Variants in DPP4 observed in about 807,000 individuals in gnomAD.
DPP4 encodes the protein dipeptidyl peptidase 4, also known as ADCP-2.
Under a neutral mutation model 122.4 loss-of-function variants are expected in DPP4, and 93 were observed. That is an observed-to-expected ratio of 0.76 (90% CI 0.64 to 0.90). The LOEUF is 0.90. Among genes scored for constraint, DPP4 ranks in the 40% least tolerant of loss-of-function variants. The probability of loss-of-function intolerance (pLI) is 0.00; values close to 1 mark genes in which losing one functional copy is unlikely to be tolerated. For synonymous variants in DPP4, 321 were observed against 302.9 expected (o/e 1.06, Z -0.62); for missense variants, 914 against 907.3 (o/e 1.01, Z -0.09).
chr2:162,011,810 A>G lies in DPP4; in HGVS notation c.1815T>C (p.Asp605=). 6.2e-7 allele frequency: 1 copy of G among 1,613,476 alleles called. No individual in the cohort carries two copies. The highest frequency in any genetic ancestry group is 8.5e-7 in the Non-Finnish European group (1 of 1,179,602). Residue 605 remains aspartate, a synonymous_variant, in exon 20 of 26, where the codon GAT becomes GAC. Coordinates refer to ENST00000360534, the MANE Select transcript of DPP4 (RefSeq NM_001935.4). The part of the protein sequence containing the change: ...NRRLGTFEVE[D]QIEAARQFSK... ...TCACTCACCTGGCTGCTTCAATTTG[A>G]TCTTCAACTTCAAATGTTCCCAGTC...
chr2:161,993,138 T>G lies in DPP4; in HGVS notation c.*145A>C. 1 of 621,076 alleles carries G rather than the reference T, an allele frequency of 1.6e-6. No individual in the cohort carries two copies. Among genetic ancestry groups the G allele is most frequent in the Non-Finnish European group, 2.8e-6 (1 of 352,582 alleles). The allele number at this position is 621,076 out of a possible 1,614,324, so 38.5% of individuals were successfully genotyped here. A position where few individuals can be genotyped will look rare whatever the true frequency, so the allele number is the denominator to read the frequency against. On this transcript the variant is annotated 3_prime_UTR_variant, in exon 26 of 26. Transcript: ENST00000360534. The stretch of plus-strand genomic sequence containing the variant: ...AAGTCCCTACTTAAGATGATAGGTA[T>G]GAAATTTGGGAACAAAGGTAACCTT...
chr2:162,040,036 A>G (rs2106125695), intron 5 of DPP4, among the ~76,000 whole-genome samples: 1 of 152,176 alleles, frequency 6.6e-6, no homozygotes, highest in Non-Finnish European at 1.5e-5. Flanking sequence ...TTTTTTGCCA[A>G]TACATTTTAA....
intron 11 of DPP4, among the ~76,000 whole-genome samples, chr2:162,024,436 T>C (rs1217149924): frequency 6.6e-6 from 1 of 152,220 alleles, no homozygotes; most frequent in Non-Finnish European, 1.5e-5. Flanking sequence ...AGCCAGTTAT[T>C]CCCCATTCCC....
At chr2:162,049,216 G>A (rs1349744624) in intron 2 of DPP4, among the ~76,000 whole-genome samples, 1 of 152,134 alleles carries the variant, frequency 6.6e-6, no homozygotes, top group African/African-American at 2.4e-5. Flanking sequence ...TTTTCTTACA[G>A]AAAATGCTCT....
At chr2:162,045,972 T>TG (rs1684159047) in intron 4 of DPP4, among the ~76,000 whole-genome samples, 1 of 152,084 alleles carries the variant, frequency 6.6e-6, no homozygotes, top group African/African-American at 2.4e-5. Flanking sequence ...ATATAGTTTG[T>TG]GGGGGGCGCT....
intron 6 of DPP4, 40 bp downstream of exon 6, chr2:162,039,092 A>C: frequency 6.2e-7 from 1 of 1,610,896 alleles, no homozygotes; most frequent in South Asian, 1.1e-5. Context: ...AAAATATGAC[A>C]GTAGGAAAGC....
At chr2:162,045,867 A>T (rs928550600) in intron 4 of DPP4, among the ~76,000 whole-genome samples, 1 of 152,218 alleles carries the variant, frequency 6.6e-6, no homozygotes, top group Non-Finnish European at 1.5e-5. Flanking sequence ...AGGAAAAGAA[A>T]ACTTTCTCAA....
chr2:162,022,866 T>G, intron 11 of DPP4, 67 bp from the exon 12 acceptor site: 2 of 1,505,682 alleles, frequency 1.3e-6, no homozygotes, highest in Non-Finnish European at 1.8e-6. Context: ...AGCCATAATT[T>G]GTGGTAATAT....
chr2:162,020,182 G>T (rs1664108139), intron 14 of DPP4, 47 bp downstream of exon 14: 2 of 1,519,240 alleles, frequency 1.3e-6, no homozygotes, highest in Admixed American at 2.0e-5. Context: ...AAGAGGGCAT[G>T]ATTATGACAA....
At chr2:162,055,473 G>A (rs916217029) in intron 2 of DPP4, among the ~76,000 whole-genome samples, 1 of 152,076 alleles carries the variant, frequency 6.6e-6, no homozygotes, top group East Asian at 1.9e-4. Context: ...GAGATGGGTG[G>A]ATTGCTTGAG....
At chr2:162,073,602 A>T in intron 1 of DPP4, 116 bp from the exon 2 acceptor site, 1 of 925,450 alleles carries the variant, frequency 1.1e-6, no homozygotes, top group Non-Finnish European at 1.7e-6. Context: ...GCGTTAGAAG[A>T]GGGAGACCGC....
intron 9 of DPP4, 54 bp downstream of exon 9, chr2:162,035,110 A>T (rs915118940): frequency 6.5e-7 from 1 of 1,535,954 alleles, no homozygotes; most frequent in African/African-American, 1.4e-5. Flanking sequence ...GATTAAATGA[A>T]ACCATTCTCT....
intron 2 of DPP4, among the ~76,000 whole-genome samples, chr2:162,060,426 T>C (rs984995011): frequency 2.0e-5 from 3 of 152,168 alleles, no homozygotes; most frequent in African/African-American, 7.2e-5. Context: ...ATCTCTATTC[T>C]CTTTTCCATG....
intron 10 of DPP4, chr2:162,032,345 C>T (rs1683576817): frequency 6.6e-6 from 1 of 152,122 alleles, no homozygotes; most frequent in South Asian, 2.1e-4. Flanking sequence ...TGTGATAATC[C>T]CTGTGTCTGG....
chr2:162,036,402 C>G (rs747203641), intron 8 of DPP4, among the ~76,000 whole-genome samples: 1 of 152,046 alleles, frequency 6.6e-6, no homozygotes, highest in Non-Finnish European at 1.5e-5. Context: ...GCTAACTATG[C>G]GCCAGGTATT....
rs1340660444 is a variant in DPP4, at chr2:161,993,378, T to C, written c.2206A>G (p.Thr736Ala). 17 of 1,608,676 alleles carry C rather than the reference T, an allele frequency of 1.1e-5. No homozygotes were observed. Among genetic ancestry groups the C allele is most frequent in the Non-Finnish European group, 1.2e-5 (14 of 1,175,500 alleles). The change falls in exon 26 of 26, where the codon ACT becomes GCT. Residue 736 changes from threonine (T) to alanine (A), a missense_variant. By Grantham distance (58) the Thr-to-Ala change is moderately conservative. Coordinates refer to ENST00000360534, the MANE Select transcript of DPP4 (RefSeq NM_001935.4). ...CTAGCTATTCCATGGTCTTCATCAG[T>C]ATACCACTAGAGAGAGAAAGAAAAG... is the stretch of plus-strand genomic sequence containing the variant. The part of the protein sequence containing the change: ...VGVDFQAMWY[T>A]DEDHGIASST...
chr2:162,058,529 T>A (rs1379893964), intron 2 of DPP4, among the ~76,000 whole-genome samples: 1 of 152,246 alleles, frequency 6.6e-6, no homozygotes, highest in Non-Finnish European at 1.5e-5. Flanking sequence ...CAAGAGGTCA[T>A]CCTCAAGCTT....
intron 11 of DPP4, among the ~76,000 whole-genome samples, chr2:162,024,371 A>G (rs1191203053): frequency 6.6e-6 from 1 of 152,208 alleles, no homozygotes; most frequent in Non-Finnish European, 1.5e-5. Flanking sequence ...AAAGACAGTG[A>G]CAGTATGGTA....
chr2:161,994,552 G>A (rs1216854813), intron 25 of DPP4, among the ~76,000 whole-genome samples: 1 of 152,160 alleles, frequency 6.6e-6, no homozygotes, highest in African/African-American at 2.4e-5. Context: ...TCCCACTGTT[G>A]TTAGAATAGC....
Sources: allele counts gnomAD v4.1 joint callset (sites outside exome capture counted in the v4.1 genomes callset), GRCh38; gene constraint gnomAD v4.1.1; transcripts MANE v1.5; gene names NCBI Gene and HGNC (gene_info 2026-07-23, HGNC 2026-07-21).